LEKR1: variants seen among roughly 807,000 people sequenced by gnomAD.
The protein encoded by LEKR1 is leucine, glutamate and lysine rich 1, also known as protein LEKR1.
LEKR1 carries 59 observed loss-of-function variants against 72.4 expected under a neutral mutation model. The ratio of observed to expected loss-of-function variants is 0.82; its 90% CI spans 0.66 to 1.01. The LOEUF (loss-of-function observed/expected upper bound fraction) is 1.01, where lower values mean the gene tolerates loss of function less well. Among genes scored for constraint, LEKR1 ranks in the 50% least tolerant of loss-of-function variants. The pLI is 0.00. For missense variants in LEKR1, 728 were observed against 759.2 expected (o/e 0.96, Z 0.48); for synonymous variants, 257 against 263.2 (o/e 0.98, Z 0.23).
intron 3 of LEKR1, among the ~76,000 whole-genome samples, chr3:156,856,614 A>G (rs1716090191): frequency 6.6e-6 from 1 of 152,126 alleles, no homozygotes; most frequent in South Asian, 2.1e-4. Flanking sequence ...GATGTTCTTT[A>G]AATCCTTCAA....
intron 3 of LEKR1, among the ~76,000 whole-genome samples, chr3:156,862,007 AAAT>A (rs1716815131): frequency 6.6e-6 from 1 of 152,124 alleles, no homozygotes; most frequent in African/African-American, 2.4e-5. Context: ...CTATCAGTAT[AAAT>A]AATGTTTACC....
At chr3:156,972,056 G>A (rs1206397818) in intron 6 of LEKR1, among the ~76,000 whole-genome samples, 1 of 152,112 alleles carries the variant, frequency 6.6e-6, no homozygotes, top group Non-Finnish European at 1.5e-5. Flanking sequence ...GTTTATTGCG[G>A]CACTATTCAC....
At chr3:156,997,724 G>T (rs1283473437) in intron 9 of LEKR1, among the ~76,000 whole-genome samples, 1 of 152,186 alleles carries the variant, frequency 6.6e-6, no homozygotes, top group African/African-American at 2.4e-5. Flanking sequence ...GTGCAGTTTA[G>T]AAGCTGTGTA....
chr3:156,995,300 AATT>A (rs1415335865), intron 9 of LEKR1, among the ~76,000 whole-genome samples: 1 of 152,208 alleles, frequency 6.6e-6, no homozygotes, highest in African/African-American at 2.4e-5. Flanking sequence ...TTTTTAAAAA[AATT>A]ATTATGACTA....
At chr3:156,910,614 G>A (rs1723017308) in intron 3 of LEKR1, among the ~76,000 whole-genome samples, 1 of 152,122 alleles carries the variant, frequency 6.6e-6, no homozygotes, top group African/African-American at 2.4e-5. Context: ...TAAAAGTTGG[G>A]AGGGAAAATG....
At chr3:156,981,358 A>G (rs1321240602) in intron 7 of LEKR1, among the ~76,000 whole-genome samples, 1 of 152,250 alleles carries the variant, frequency 6.6e-6, no homozygotes, top group Non-Finnish European at 1.5e-5. Context: ...GAGTCAGGGT[A>G]GACTGGAGAT....
intron 3 of LEKR1, chr3:156,888,583 AAG>A (rs1720342960): frequency 2.0e-6 from 1 of 504,040 alleles, no homozygotes; most frequent in East Asian, 2.9e-5. Context: ...TATATGAAGA[AAG>A]AGAGAGCTAA....
chr3:156,969,740 G>T (rs1728985616), intron 6 of LEKR1, among the ~76,000 whole-genome samples: 1 of 152,148 alleles, frequency 6.6e-6, no homozygotes, highest in Admixed American at 6.5e-5. Context: ...CCAATCAATA[G>T]CAAAAGAGGG....
intron 6 of LEKR1, among the ~76,000 whole-genome samples, chr3:156,965,179 T>G (rs965103248): frequency 5.9e-5 from 9 of 152,124 alleles, no homozygotes; most frequent in African/African-American, 2.2e-4. Context: ...ATTTTGCCAG[T>G]CTAGATAGAG....
rs117374857 is a variant in LEKR1 at position 156,933,504 on chromosome 3, G to A, written c.559+5900G>A. Among the ~76,000 whole-genome samples the A allele has an allele frequency of 0.014, 2,189 of 152,052 alleles. 100 individuals carry two copies. The East Asian group carries it at 0.16, about 11-fold the overall frequency. On this transcript the variant is annotated intron_variant, in intron 5 of 12. Transcript: ENST00000356539. ...TCTTTAATTTTATTCTTTGTAATGA[G>A]GTATTCATATAAAAGATATGAATGT...
chr3:156,953,412 G>A (rs752911778), intron 6 of LEKR1, among the ~76,000 whole-genome samples: 30 of 151,508 alleles, frequency 2.0e-4, no homozygotes, highest in Non-Finnish European at 3.5e-4. Context: ...ACAGGTAAAC[G>A]TGTGCCATAG....
At chr3:156,920,730 A>G (rs1354409791) in intron 4 of LEKR1, 36 bp downstream of exon 4, 2 of 1,149,982 alleles carry the variant, frequency 1.7e-6, no homozygotes, top group East Asian at 5.3e-5. Flanking sequence ...AAAGATTGAA[A>G]AGATATGCTT....
At chr3:156,874,702 C>G (rs753625988) in intron 3 of LEKR1, among the ~76,000 whole-genome samples, 2 of 152,096 alleles carry the variant, frequency 1.3e-5, no homozygotes, top group African/African-American at 2.4e-5. Flanking sequence ...GCTCTTCCCC[C>G]CAAGTTCCCT....
chr3:156,932,435 A>T (rs1363573537), intron 5 of LEKR1, among the ~76,000 whole-genome samples: 7 of 152,178 alleles, frequency 4.6e-5, no homozygotes, highest in Admixed American at 2.6e-4. Context: ...GTATATCTAT[A>T]TTAGGCCATG....
At chr3:157,031,107 T>G (rs887267480) in intron 12 of LEKR1, among the ~76,000 whole-genome samples, 8 of 152,122 alleles carry the variant, frequency 5.3e-5, no homozygotes, top group Non-Finnish European at 8.8e-5. Context: ...AGGGGGCGTT[T>G]TAAAGGCTTC....
chr3:156,876,764 C>T (rs1312765013), intron 3 of LEKR1, among the ~76,000 whole-genome samples: 1 of 152,188 alleles, frequency 6.6e-6, no homozygotes, highest in African/African-American at 2.4e-5. Context: ...ATATCATCAG[C>T]ATACAGCAAC....
intron 5 of LEKR1, among the ~76,000 whole-genome samples, chr3:156,934,112 C>G (rs955778561): frequency 6.6e-6 from 1 of 152,206 alleles, no homozygotes; most frequent in Admixed American, 6.5e-5. Flanking sequence ...TAGTCCTTGT[C>G]TATCCTGATT....
Position 157,027,961 on chromosome 3 carries a change from G to A in LEKR1, c.1369-142G>A, listed in dbSNP as rs2108036835. On this transcript the variant is annotated intron_variant, in intron 11 of 12. Coordinates refer to ENST00000356539, the MANE Select transcript of LEKR1 (RefSeq NM_001004316.3). ...TTTAGTCTTTTAAAAAGAAAATCTT[G>A]AAGGCCTGCACATCATGGGTTTGGT... The A allele has an allele frequency of 8.2e-6, 4 of 485,762 alleles. No homozygotes were observed. The South Asian group carries it at 2.1e-4, about 25-fold the overall frequency. The allele number at this position is 485,762 out of a possible 1,614,324, so 30.1% of individuals were successfully genotyped here.
At chr3:156,869,481 A>T (rs563420293) in intron 3 of LEKR1, among the ~76,000 whole-genome samples, 75 of 151,970 alleles carry the variant, frequency 4.9e-4, no homozygotes, top group Admixed American at 2.4e-3. Context: ...TATACCTGTT[A>T]TCTATTTGTA....
Sources: allele counts gnomAD v4.1 joint callset (sites outside exome capture counted in the v4.1 genomes callset), GRCh38; gene constraint gnomAD v4.1.1; transcripts MANE v1.5; gene names NCBI Gene and HGNC (gene_info 2026-07-23, HGNC 2026-07-21).